PITPNM3: variants seen among roughly 807,000 people sequenced by gnomAD.
PITPNM3 encodes the protein PITPNM family member 3.
In PITPNM3, 26 loss-of-function variants were observed where a neutral mutation model predicts 102.0. The ratio of observed to expected loss-of-function variants is 0.25; its 90% CI spans 0.19 to 0.35. The LOEUF (loss-of-function observed/expected upper bound fraction) is 0.35, where lower values mean the gene tolerates loss of function less well. PITPNM3 is among the 10% of genes least tolerant of loss of function. The probability of loss-of-function intolerance (pLI) is 1.00; values close to 1 mark genes in which losing one functional copy is unlikely to be tolerated. For synonymous variants in PITPNM3, 578 were observed against 558.6 expected (o/e 1.03, Z -0.49); for missense variants, 1,083 against 1,346.1 (o/e 0.80, Z 3.06).
In PITPNM3 at chr17:6,541,577, A is replaced by G. The variant is rs113047666; in HGVS notation, c.23-3495T>C. On this transcript the variant is annotated intron_variant, in intron 1 of 19. Transcript: ENST00000262483. ...GAGTTTTAAGGCTCCTCCCACTGCC[A>G]AGCCTCTATCACCTGCAAACTTCAA... 3.8e-3 allele frequency among the ~76,000 whole-genome samples: 583 copies of G among 152,230 alleles called. 6 individuals are homozygous for G. Among genetic ancestry groups the G allele is most frequent in the African/African-American group, 0.013 (554 of 41,540 alleles).
intron 4 of PITPNM3, among the ~76,000 whole-genome samples, chr17:6,497,304 G>A (rs1906889512): frequency 6.6e-6 from 1 of 152,202 alleles, no homozygotes; most frequent in African/African-American, 2.4e-5. Flanking sequence ...ATTCAGAGCT[G>A]TTCCTCTGGT....
chr17:6,465,491 A>C (rs1162370739), intron 14 of PITPNM3, among the ~76,000 whole-genome samples: 1 of 151,916 alleles, frequency 6.6e-6, no homozygotes, highest in Non-Finnish European at 1.5e-5. Flanking sequence ...AGTATTTACT[A>C]TCTGTCTTTT....
intron 16 of PITPNM3, 91 bp from the exon 17 acceptor site, chr17:6,463,972 A>C (rs1904631254): frequency 4.4e-6 from 7 of 1,575,748 alleles, no homozygotes; most frequent in Non-Finnish European, 6.1e-6. Flanking sequence ...GTCAGAGCTC[A>C]GTCTGGGTCA....
chr17:6,538,702 C>T (rs1362982247), intron 1 of PITPNM3, among the ~76,000 whole-genome samples: 1 of 152,184 alleles, frequency 6.6e-6, no homozygotes, highest in Non-Finnish European at 1.5e-5. Flanking sequence ...CAGCAATGCC[C>T]CTGCCTCAGT....
At chr17:6,524,539 G>A (rs1187489682) in intron 3 of PITPNM3, among the ~76,000 whole-genome samples, 1 of 152,156 alleles carries the variant, frequency 6.6e-6, no homozygotes, top group Non-Finnish European at 1.5e-5. Context: ...CAGCCACGTT[G>A]TCCGTTTGAA....
intron 16 of PITPNM3, 70 bp from the exon 17 acceptor site, chr17:6,463,951 C>T (rs1904630028): frequency 1.3e-6 from 2 of 1,595,046 alleles, no homozygotes; most frequent in Non-Finnish European, 1.7e-6. Context: ...AGAGGTCAGC[C>T]TGTAGCTGCA....
At chr17:6,523,907 C>T (rs905621343) in intron 3 of PITPNM3, among the ~76,000 whole-genome samples, 1 of 152,172 alleles carries the variant, frequency 6.6e-6, no homozygotes, top group African/African-American at 2.4e-5. Flanking sequence ...TGTGCCAAGC[C>T]TTAGTCCAGT....
chr17:6,454,041 T>C lies in PITPNM3; in HGVS notation c.*1297A>G, dbSNP rs999938562. The C allele has an allele frequency of 2.6e-5, 4 of 152,420 alleles. No homozygotes were observed. Among genetic ancestry groups the C allele is most frequent in the African/African-American group, 9.7e-5 (4 of 41,442 alleles). The allele number at this position is 152,420 out of a possible 1,614,324, so 9.4% of individuals were successfully genotyped here. A position where few individuals can be genotyped will look rare whatever the true frequency, so the allele number is the denominator to read the frequency against. On this transcript the variant is annotated 3_prime_UTR_variant, in exon 20 of 20. Coordinates refer to ENST00000262483, the MANE Select transcript of PITPNM3 (RefSeq NM_031220.4). ...CTCAGGGGACTACCCAGGAGGAGGT[T>C]ATGGGCACAAACTGAGCAGCAGGGG...
In PITPNM3 at chr17:6,455,536, C is replaced by T. The variant is rs773677731; in HGVS notation, c.2727G>A (p.Gly909=). ...GCAGGAACTCTGGCTGCGCGTGCAG[C>T]CCGAAGCTGCCCTTGCGCAGGATCA... ...SRMILRKGSF[G]LHAQPEFLRK... The change falls in exon 20 of 20, where the codon GGG becomes GGA. Residue 909 remains glycine (G), a synonymous_variant. Transcript: ENST00000262483. The T allele has an allele frequency of 5.0e-6, 8 of 1,604,440 alleles. No individual in the cohort carries two copies. Among genetic ancestry groups the T allele is most frequent in the East Asian group, 2.2e-5 (1 of 44,630 alleles).
intron 19 of PITPNM3, among the ~76,000 whole-genome samples, chr17:6,455,855 C>T (rs557384236): frequency 3.2e-4 from 48 of 150,640 alleles, no homozygotes; most frequent in Non-Finnish European, 5.0e-4. Flanking sequence ...CATCATTTCC[C>T]GGGAACACTC....
intron 4 of PITPNM3, among the ~76,000 whole-genome samples, chr17:6,497,546 C>A (rs1906908361): frequency 6.6e-6 from 1 of 152,194 alleles, no homozygotes; most frequent in African/African-American, 2.4e-5. Context: ...GGTTGGGACT[C>A]TGTGGACCAT....
Position 6,478,881 on chromosome 17 carries a change from GAC to G in PITPNM3, c.588-147_588-146del. On this transcript the variant is annotated intron_variant, in intron 6 of 19. Transcript: ENST00000262483. The surrounding 1 kb of genome is among the most constrained non-coding windows in gnomAD (Gnocchi z 4.4). The stretch of plus-strand genomic sequence containing the variant: ...AGGAAGACCCAGGCAGGAGCCTGGT[GAC>G]ACAGAGCACAGGCAGTGTGGGGAGG... 1 of 750,918 alleles carries G rather than the reference GAC, an allele frequency of 1.3e-6. No homozygotes were observed. Among genetic ancestry groups the G allele is most frequent in the Non-Finnish European group, 2.1e-6 (1 of 470,494 alleles). The allele number at this position is 750,918 out of a possible 1,614,324, so 46.5% of individuals were successfully genotyped here. A position where few individuals can be genotyped will look rare whatever the true frequency, so the allele number is the denominator to read the frequency against.
At chr17:6,553,454 T>C (rs1468531023) in intron 1 of PITPNM3, among the ~76,000 whole-genome samples, 2 of 152,214 alleles carry the variant, frequency 1.3e-5, no homozygotes, top group Non-Finnish European at 2.9e-5. Context: ...CTTTTAGCTC[T>C]TGTCCGACAC....
At chr17:6,550,713 G>A (rs1910257202) in intron 1 of PITPNM3, among the ~76,000 whole-genome samples, 1 of 152,216 alleles carries the variant, frequency 6.6e-6, no homozygotes, top group Admixed American at 6.5e-5. Flanking sequence ...CCCAGACATG[G>A]CCCAGGCAAG....
chr17:6,526,784 C>T (rs1160585912), intron 2 of PITPNM3, among the ~76,000 whole-genome samples: 1 of 152,198 alleles, frequency 6.6e-6, no homozygotes, highest in African/African-American at 2.4e-5. Flanking sequence ...GACAAGGAAA[C>T]TGAGGCACAG....
intron 1 of PITPNM3, among the ~76,000 whole-genome samples, chr17:6,555,913 C>G (rs1567701143): frequency 1.3e-5 from 2 of 151,996 alleles, no homozygotes; most frequent in Non-Finnish European, 2.9e-5. Flanking sequence ...GAATCTGGGT[C>G]TCTGGACTGA....
chr17:6,467,090 A>C (rs947773306), intron 14 of PITPNM3, among the ~76,000 whole-genome samples: 1 of 110,064 alleles, frequency 9.1e-6, no homozygotes, highest in African/African-American at 3.2e-5. Context: ...CCAAAAAAAA[A>C]AAACAGGTGA....
At chr17:6,538,570 T>G (rs1182035155) in intron 1 of PITPNM3, among the ~76,000 whole-genome samples, 1 of 152,086 alleles carries the variant, frequency 6.6e-6, no homozygotes, top group Non-Finnish European at 1.5e-5. Flanking sequence ...GGAGAAGAGC[T>G]CAGAAAATCT....
Position 6,451,892 on chromosome 17 carries a change from C to CCAAA in PITPNM3, c.*3445_*3446insTTTG, listed in dbSNP as rs55984944. 4 of 94,442 alleles carry CCAAA rather than the reference C, an allele frequency of 4.2e-5. No individual in the cohort carries two copies. Among genetic ancestry groups the CCAAA allele is most frequent in the Admixed American group, 1.3e-4 (1 of 7,892 alleles). The allele number at this position is 94,442 out of a possible 1,614,324, so 5.9% of individuals were successfully genotyped here. A position where few individuals can be genotyped will look rare whatever the true frequency, so the allele number is the denominator to read the frequency against. On this transcript the variant is annotated 3_prime_UTR_variant, in exon 20 of 20. Coordinates refer to ENST00000262483, the MANE Select transcript of PITPNM3 (RefSeq NM_031220.4). Reference sequence around the variant, plus strand: ...ACCCAAACCCCCCCCCCCCGCCCGCCGATGGGATTCGGTGGGAAAGTTGGT... The same window carrying CCAAA: ...ACCCAAACCCCCCCCCCCCGCCCGCCCAAAGATGGGATTCGGTGGGAAAGTTGGT...
Sources: allele counts gnomAD v4.1 joint callset (sites outside exome capture counted in the v4.1 genomes callset), GRCh38; gene constraint gnomAD v4.1.1; non-coding constraint Gnocchi (gnomAD v3.1); transcripts MANE v1.5; gene names NCBI Gene and HGNC (gene_info 2026-07-23, HGNC 2026-07-21).